Variants in SCN9A observed in about 807,000 individuals in gnomAD.
SCN9A encodes the protein sodium channel protein type 9 subunit alpha.
A neutral mutation model predicts 187.0 loss-of-function variants in SCN9A; 131 were observed. That is an observed-to-expected ratio of 0.70 (90% CI 0.61 to 0.81). The LOEUF (loss-of-function observed/expected upper bound fraction) is 0.81, where lower values mean the gene tolerates loss of function less well. Among genes scored for constraint, SCN9A ranks in the 30% least tolerant of loss-of-function variants. The probability of loss-of-function intolerance (pLI) is 0.00; values close to 1 mark genes in which losing one functional copy is unlikely to be tolerated. For missense variants in SCN9A, 2,252 were observed against 2,396.6 expected, an observed-to-expected ratio of 0.94 and a Z score of 1.26; for synonymous variants, 809 against 808.6, an observed-to-expected ratio of 1.00 and a Z score of -0.01.
chr2:166,345,876 G>A (rs977858035), intron 1 of SCN9A, among the ~76,000 whole-genome samples: 3 of 152,106 alleles, frequency 2.0e-5, no homozygotes, highest in African/African-American at 4.8e-5. Flanking sequence ...TAGGAAGAAA[G>A]CAACTGTTTA....
intron 19 of SCN9A, among the ~76,000 whole-genome samples, chr2:166,239,371 G>T (rs1202431593): frequency 6.6e-6 from 1 of 152,062 alleles, no homozygotes; most frequent in Non-Finnish European, 1.5e-5. Context: ...ATCCTTCGTG[G>T]TTAATATTAT....
At chr2:166,294,726 A>G (rs1698225292) in intron 7 of SCN9A, 64 bp from the exon 8 acceptor site, 3 of 1,161,886 alleles carry the variant, frequency 2.6e-6, no homozygotes, top group African/African-American at 1.5e-5. Context: ...GTGATAAAGG[A>G]GGTAAATTAA....
chr2:166,280,087 GA>G (rs1430787972), intron 14 of SCN9A, among the ~76,000 whole-genome samples: 2 of 152,114 alleles, frequency 1.3e-5, no homozygotes, highest in Admixed American at 6.6e-5. Context: ...TTGCTCCCAA[GA>G]AATATGCTGG....
chr2:166,304,264 G>A lies in SCN9A; in HGVS notation c.662C>T (p.Ala221Val), dbSNP rs1456212190. 1.2e-6 allele frequency: 2 copies of A among 1,613,504 alleles called. No homozygotes were observed. The highest frequency in any genetic ancestry group is 2.7e-5 in the African/African-American group (2 of 75,004). The stretch of plus-strand genomic sequence containing the variant: ...TGGGATTACAGAAATAGTTTTCAAA[G>A]CTCTCAATACTCTGAAAGTTCGAAG... ...SALRTFRVLRALKTISVIPGL... is the reference protein window; with the variant it reads ...SALRTFRVLRVLKTISVIPGL... The change falls in exon 6 of 27, where the codon GCT becomes GTT. Residue 221 changes from alanine (A) to valine (V), a missense_variant. Coordinates refer to ENST00000642356, the MANE Select transcript of SCN9A (RefSeq NM_001365536.1).
intron 7 of SCN9A, among the ~76,000 whole-genome samples, chr2:166,297,620 T>A (rs374900626): frequency 2.0e-4 from 30 of 149,828 alleles, no homozygotes; most frequent in African/African-American, 6.9e-4. Context: ...AAAAGGGAAA[T>A]GGGGAATGAC....
intron 26 of SCN9A, 98 bp downstream of exon 26, chr2:166,203,857 A>G (rs1558944717): frequency 5.4e-6 from 4 of 734,494 alleles, no homozygotes; most frequent in Non-Finnish European, 8.9e-6. Flanking sequence ...CTTACTCAAG[A>G]GTAAATTTGT....
chr2:166,347,322 A>T lies in SCN9A; in HGVS notation c.-51+28375T>A, dbSNP rs575125159. 3.3e-5 allele frequency among the ~76,000 whole-genome samples: 5 copies of T among 152,314 alleles called. No individual in the cohort carries two copies. In the South Asian group the frequency reaches 1.0e-3, roughly 32 times the overall value. ...AAAAAATATAAAATACTTTAATAGG[A>T]CATCAAGTAATTATTTCAGAATACA... On this transcript the variant is annotated intron_variant, in intron 1 of 26. Transcript: ENST00000642356.
intron 5 of SCN9A, among the ~76,000 whole-genome samples, chr2:166,304,905 A>AT (rs750002442): frequency 5.5e-4 from 84 of 152,202 alleles, no homozygotes; most frequent in Non-Finnish European, 2.1e-4. Flanking sequence ...AAAATTGTGA[A>AT]TTTTGTAGTA....
At chr2:166,259,736 A>G (rs987661229) in intron 17 of SCN9A, among the ~76,000 whole-genome samples, 9 of 151,946 alleles carry the variant, frequency 5.9e-5, no homozygotes, top group African/African-American at 1.9e-4. Context: ...CATTTTAAAC[A>G]GCATTGCAAA....
chr2:166,203,268 CTT>C (rs769135794), intron 26 of SCN9A, among the ~76,000 whole-genome samples: 18 of 151,768 alleles, frequency 1.2e-4, no homozygotes, highest in Non-Finnish European at 1.9e-4. Context: ...ATCTCTCTCT[CTT>C]AAAAGTTTAT....
At position 166,239,602 on chromosome 2, in the gene SCN9A, G is replaced by A. The variant is rs116344739; in HGVS notation, c.3628-1335C>T. On this transcript the variant is annotated intron_variant, in intron 19 of 26. Coordinates refer to ENST00000642356, the MANE Select transcript of SCN9A (RefSeq NM_001365536.1). ...AGAGGTTCTGAAATTCAATGGAATT[G>A]AAGTGCAGAGGGAGGCTTCTAGCCC... Among the ~76,000 whole-genome samples the A allele has an allele frequency of 7.9e-3, 1,210 of 152,260 alleles. 9 individuals are homozygous for A. Among genetic ancestry groups the A allele is most frequent in the African/African-American group, 0.013 (532 of 41,554 alleles).
chr2:166,314,600 T>G (rs149102734), intron 1 of SCN9A, among the ~76,000 whole-genome samples: 2 of 152,310 alleles, frequency 1.3e-5, no homozygotes, highest in Non-Finnish European at 2.9e-5. Flanking sequence ...ATGTGGGATA[T>G]TCAAACACTG....
intron 17 of SCN9A, among the ~76,000 whole-genome samples, chr2:166,266,898 A>T (rs1696765099): frequency 6.6e-6 from 1 of 151,624 alleles, no homozygotes. Context: ...TTGCATGTTG[A>T]TTTTGTGTCC....
At chr2:166,311,331 T>C (rs1452051724) in intron 2 of SCN9A, among the ~76,000 whole-genome samples, 168 bp downstream of exon 2, 194 of 19,378 alleles carry the variant, frequency 0.01, no homozygotes, top group Non-Finnish European at 0.015. Flanking sequence ...CTGAATATCC[T>C]ATATATATAT....
chr2:166,361,508 A>G (rs1245853832), intron 1 of SCN9A, among the ~76,000 whole-genome samples: 2 of 152,114 alleles, frequency 1.3e-5, no homozygotes, highest in Non-Finnish European at 2.9e-5. Context: ...CAGTGTCTAC[A>G]GGATGTGGGC....
intron 20 of SCN9A, among the ~76,000 whole-genome samples, chr2:166,234,468 C>T (rs76045821): frequency 0.021 from 3,158 of 152,190 alleles, 120 homozygotes; most frequent in African/African-American, 0.072. Context: ...CTATTTCAGG[C>T]GTAGAAAAAG....
At chr2:166,297,758 G>T (rs1346424865) in intron 7 of SCN9A, among the ~76,000 whole-genome samples, 1 of 151,726 alleles carries the variant, frequency 6.6e-6, no homozygotes, top group Admixed American at 6.6e-5. Flanking sequence ...GGAATTTTGT[G>T]GCATATAAAT....
chr2:166,343,754 G>A (rs1423478068), intron 1 of SCN9A, among the ~76,000 whole-genome samples: 1 of 151,884 alleles, frequency 6.6e-6, no homozygotes, highest in African/African-American at 2.4e-5. Flanking sequence ...CTGTGACTGT[G>A]CCACTGCACT....
chr2:166,277,567 T>A (rs1697292971), intron 15 of SCN9A: 4 of 448,344 alleles, frequency 8.9e-6, no homozygotes, highest in Admixed American at 3.8e-5. Context: ...AACTATGTAC[T>A]TTTAGTTCAG....
Sources: gnomAD v4.1 joint callset for allele counts (sites outside exome capture counted in the v4.1 genomes callset) on GRCh38, gnomAD v4.1.1 for gene constraint, MANE v1.5 for transcripts, NCBI Gene and HGNC (gene_info 2026-07-23, HGNC 2026-07-21) for gene names.